The following SPATA16 variants were observed in gnomAD, a reference collection of about 807,000 sequenced individuals.
SPATA16 encodes spermatogenesis associated 16.
A neutral mutation model predicts 63.3 loss-of-function variants in SPATA16; 36 were observed. The observed-to-expected ratio is 0.57, with a 90% confidence interval of 0.44 to 0.75. The LOEUF is 0.75. Ranked by LOEUF, SPATA16 falls within the 30% of genes least tolerant of loss-of-function variation. SPATA16 has a pLI of 0.00. For missense variants in SPATA16, 646 were observed against 679.3 expected, an observed-to-expected ratio of 0.95 and a Z score of 0.54; for synonymous variants, 203 against 216.7, an observed-to-expected ratio of 0.94 and a Z score of 0.56.
At chr3:172,942,464 A>G (rs1365392081) in intron 6 of SPATA16, among the ~76,000 whole-genome samples, 2 of 152,170 alleles carry the variant, frequency 1.3e-5, no homozygotes, top group Non-Finnish European at 2.9e-5. Flanking sequence ...CGTTAACATT[A>G]AGGTGAAGAG....
intron 4 of SPATA16, among the ~76,000 whole-genome samples, chr3:173,018,672 A>AC: frequency 1.3e-5 from 2 of 152,174 alleles, no homozygotes; most frequent in Non-Finnish European, 1.5e-5. Flanking sequence ...CAACCTAGGC[A>AC]CCCCATCTCG....
chr3:172,908,839 T>C, intron 10 of SPATA16, among the ~76,000 whole-genome samples: 1 of 146,672 alleles, frequency 6.8e-6, no homozygotes, highest in South Asian at 2.1e-4. Context: ...ACAATTAGGT[T>C]TTTTTTTTTA....
At chr3:173,088,067 TTTC>T (rs1487378520) in intron 2 of SPATA16, among the ~76,000 whole-genome samples, 115 of 132,730 alleles carry the variant, frequency 8.7e-4, no homozygotes, top group African/African-American at 1.4e-3. Context: ...TCTTTCTTTC[TTTC>T]TTTCTTTCTG....
intron 2 of SPATA16, among the ~76,000 whole-genome samples, chr3:173,051,503 T>C (rs1167102881): frequency 6.6e-6 from 1 of 151,810 alleles, no homozygotes; most frequent in Non-Finnish European, 1.5e-5. Context: ...GCCCAGCCAA[T>C]TTTTGTATTT....
At chr3:172,929,326 C>T (rs1732813139) in intron 6 of SPATA16, among the ~76,000 whole-genome samples, 1 of 152,184 alleles carries the variant, frequency 6.6e-6, no homozygotes, top group Non-Finnish European at 1.5e-5. Flanking sequence ...ATAGATTATG[C>T]AGATTAAATT....
chr3:172,916,231 A>ATTTTTGT, intron 9 of SPATA16, 86 bp downstream of exon 9: 1 of 1,101,272 alleles, frequency 9.1e-7, no homozygotes, highest in Non-Finnish European at 1.3e-6. Flanking sequence ...TTACCACAGG[A>ATTTTTGT]TTTTTTTTTT....
chr3:172,953,739 C>G (rs529244164), intron 6 of SPATA16, among the ~76,000 whole-genome samples: 55 of 152,258 alleles, frequency 3.6e-4, no homozygotes, highest in African/African-American at 1.2e-3. Flanking sequence ...TTCACTGACC[C>G]TTTTGGACAC....
At chr3:172,902,695 G>T (rs1264929143) in intron 10 of SPATA16, among the ~76,000 whole-genome samples, 1 of 152,104 alleles carries the variant, frequency 6.6e-6, no homozygotes, top group Non-Finnish European at 1.5e-5. Flanking sequence ...CTTCTCACCA[G>T]CCCTCTCATG....
intron 6 of SPATA16, among the ~76,000 whole-genome samples, chr3:172,937,945 A>G (rs1394949772): frequency 1.3e-5 from 2 of 152,188 alleles, no homozygotes; most frequent in African/African-American, 2.4e-5. Context: ...AAAAGTGACT[A>G]TAAGATCTGT....
rs376568724 is a variant in SPATA16, at chr3:173,116,092, A to G, written c.612+1028T>C. 1.8e-4 allele frequency among the ~76,000 whole-genome samples: 28 copies of G among 152,142 alleles called. 1 individual carries two copies. The highest frequency in any genetic ancestry group is 5.2e-4 in the Admixed American group (8 of 15,274). On this transcript the variant is annotated intron_variant, in intron 2 of 10. Coordinates refer to ENST00000351008, the MANE Select transcript of SPATA16 (RefSeq NM_031955.6). ...CATTTTGTAGAGATAGGGTCTCACT[A>G]TGTTACCCAGACTGGTCCAGAATTT...
Position 172,889,835 on chromosome 3 carries a change from C to T in SPATA16, c.1588-143G>A. ...ACTGGCAGAAACAGAAATGATTACA[C>T]ATAAAAGCCTTCTTCTGTTTCCATT... On this transcript the variant is annotated intron_variant, in intron 10 of 10. Coordinates refer to ENST00000351008, the MANE Select transcript of SPATA16 (RefSeq NM_031955.6). 5.9e-6 allele frequency: 7 copies of T among 1,184,216 alleles called. No individual in the cohort carries two copies. In the South Asian group the frequency reaches 1.1e-4, roughly 18 times the overall value. The allele number at this position is 1,184,216 out of a possible 1,614,324, so 73.4% of individuals were successfully genotyped here. A position where few individuals can be genotyped will look rare whatever the true frequency, so the allele number is the denominator to read the frequency against.
At chr3:172,958,063 G>A (rs551962870) in intron 5 of SPATA16, among the ~76,000 whole-genome samples, 1 of 152,296 alleles carries the variant, frequency 6.6e-6, no homozygotes, top group East Asian at 1.9e-4. Flanking sequence ...TTGGATAATT[G>A]AATGCTAGAA....
intron 2 of SPATA16, among the ~76,000 whole-genome samples, chr3:173,053,376 CTAA>C (rs537862127): frequency 1.3e-5 from 2 of 151,356 alleles, no homozygotes; most frequent in African/African-American, 4.8e-5. Flanking sequence ...GATTCAGTCT[CTAA>C]TAATAATAAT....
At chr3:173,101,411 G>C (rs1217363109) in intron 2 of SPATA16, among the ~76,000 whole-genome samples, 1 of 152,084 alleles carries the variant, frequency 6.6e-6, no homozygotes, top group Non-Finnish European at 1.5e-5. Context: ...AACTTAAGCT[G>C]GTTTCTCAAA....
chr3:173,001,988 G>A (rs1367178749), intron 4 of SPATA16, among the ~76,000 whole-genome samples: 1 of 152,084 alleles, frequency 6.6e-6, no homozygotes, highest in East Asian at 1.9e-4. Flanking sequence ...ACATTTATTA[G>A]TTGGTAGTAT....
At chr3:172,987,162 T>C (rs1399833577) in intron 4 of SPATA16, among the ~76,000 whole-genome samples, 1 of 152,194 alleles carries the variant, frequency 6.6e-6, no homozygotes, top group Non-Finnish European at 1.5e-5. Flanking sequence ...TAATATCTGA[T>C]GCTCAAGGAA....
chr3:173,025,197 T>TA (rs1456737168), intron 3 of SPATA16, among the ~76,000 whole-genome samples: 1 of 151,544 alleles, frequency 6.6e-6, no homozygotes, highest in African/African-American at 2.4e-5. Flanking sequence ...GTAGAAGAAA[T>TA]AATATATTTA....
chr3:172,947,307 CTT>C (rs1417469937), intron 6 of SPATA16, among the ~76,000 whole-genome samples: 1 of 141,590 alleles, frequency 7.1e-6, no homozygotes, highest in Non-Finnish European at 1.6e-5. Context: ...CAAATAAACT[CTT>C]TATGCCCAGA....
rs115403426 is a variant in SPATA16, at chr3:172,989,386, G to A, written c.849-12334C>T. Among the ~76,000 whole-genome samples, 436 of 152,218 alleles carry A rather than the reference G, an allele frequency of 2.9e-3. 2 individuals are homozygous for A. The highest frequency in any genetic ancestry group is 0.01 in the African/African-American group (423 of 41,532). On this transcript the variant is annotated intron_variant, in intron 4 of 10. Coordinates refer to ENST00000351008, the MANE Select transcript of SPATA16 (RefSeq NM_031955.6). ...AGATATTAAGTGGTATTGCACATTC[G>A]TGTTTCATTGGAAGGTGAAGGCATT...
Sources: gnomAD v4.1 joint callset for allele counts (sites outside exome capture counted in the v4.1 genomes callset) on GRCh38, gnomAD v4.1.1 for gene constraint, MANE v1.5 for transcripts, NCBI Gene and HGNC (gene_info 2026-07-23, HGNC 2026-07-21) for gene names.